Variants in IST1 observed in about 807,000 individuals in gnomAD.
IST1 encodes the protein IST1 factor associated with ESCRT-III.
Under a neutral mutation model 37.0 loss-of-function variants are expected in IST1, and 23 were observed. The ratio of observed to expected loss-of-function variants is 0.62; its 90% CI spans 0.45 to 0.88. The LOEUF is 0.88. Ranked by LOEUF, IST1 falls within the 40% of genes least tolerant of loss-of-function variation. The probability of loss-of-function intolerance (pLI) is 0.00; values close to 1 mark genes in which losing one functional copy is unlikely to be tolerated. For synonymous variants in IST1, 180 were observed against 161.7 expected, an observed-to-expected ratio of 1.11 and a Z score of -0.86; for missense variants, 488 against 445.4, an observed-to-expected ratio of 1.10 and a Z score of -0.86.
chr16:71,917,220 CCAGAT>C (rs1445969630), intron 4 of IST1, 86 bp downstream of exon 4: 1 of 786,982 alleles, frequency 1.3e-6, no homozygotes, highest in Non-Finnish European at 2.1e-6. Context: ...GCTGATTTGA[CCAGAT>C]ATTTTGTACC....
At chr16:71,921,636 G>A in intron 6 of IST1, 183 bp downstream of exon 6, 3 of 534,490 alleles carry the variant, frequency 5.6e-6, no homozygotes, top group Middle Eastern at 4.6e-4. Flanking sequence ...TTAGATGAAT[G>A]ACAACACTTT....
At chr16:71,909,785 G>T (rs1178189486) in intron 1 of IST1, among the ~76,000 whole-genome samples, 1 of 152,174 alleles carries the variant, frequency 6.6e-6, no homozygotes, top group African/African-American at 2.4e-5. Context: ...AAATGTCACT[G>T]TTTACTTGAC....
At chr16:71,896,999 C>T (rs1001289269) in intron 1 of IST1, among the ~76,000 whole-genome samples, 1 of 151,406 alleles carries the variant, frequency 6.6e-6, no homozygotes, top group Non-Finnish European at 1.5e-5. Flanking sequence ...AATTAAAACA[C>T]TTCCTCTTTT....
intron 1 of IST1, among the ~76,000 whole-genome samples, chr16:71,913,198 T>C (rs2037395630): frequency 6.6e-6 from 1 of 152,212 alleles, no homozygotes; most frequent in Non-Finnish European, 1.5e-5. Context: ...CTTTCCATAA[T>C]GGTTGTACCG....
chr16:71,921,086 A>T (rs2037569547), intron 5 of IST1: 3 of 599,710 alleles, frequency 5.0e-6, no homozygotes, highest in African/African-American at 1.8e-5. Context: ...GGTGGGGAGA[A>T]GGGTGGATGA....
intron 6 of IST1, 187 bp downstream of exon 6, chr16:71,921,640 A>G (rs2037587517): frequency 1.9e-6 from 1 of 529,224 alleles, no homozygotes; most frequent in Non-Finnish European, 3.4e-6. Context: ...ATGAATGACA[A>G]CACTTTGAGA....
At chr16:71,899,958 C>T (rs536479792) in intron 1 of IST1, among the ~76,000 whole-genome samples, 13 of 145,190 alleles carry the variant, frequency 9.0e-5, no homozygotes, top group Admixed American at 4.3e-4. Flanking sequence ...GATTGCGCCA[C>T]TGCACTCTAG....
At chr16:71,916,927 T>C (rs747557555) in intron 3 of IST1, 120 bp from the exon 4 acceptor site, 6 of 658,060 alleles carry the variant, frequency 9.1e-6, no homozygotes, top group Admixed American at 3.2e-5. Flanking sequence ...CCTAGAGTTA[T>C]TGTGAGAATC....
chr16:71,908,019 A>G (rs912072722), intron 1 of IST1, among the ~76,000 whole-genome samples: 10 of 151,972 alleles, frequency 6.6e-5, no homozygotes, highest in Non-Finnish European at 1.5e-5. Context: ...ATCTCAGTCC[A>G]CTTCACCGTC....
intron 9 of IST1, 77 bp from the exon 10 acceptor site, chr16:71,927,537 C>A: frequency 9.9e-7 from 1 of 1,013,152 alleles, no homozygotes; most frequent in Non-Finnish European, 1.5e-6. Flanking sequence ...GTGTTTTGAT[C>A]ATTTTATTTT....
intron 9 of IST1, 61 bp from the exon 10 acceptor site, chr16:71,927,553 C>A: frequency 8.5e-7 from 1 of 1,180,524 alleles, no homozygotes; most frequent in Non-Finnish European, 1.3e-6. Context: ...ATTTTTACTG[C>A]CAAAGGGGAT....
chr16:71,898,021 C>T (rs928007570), intron 1 of IST1, among the ~76,000 whole-genome samples: 3 of 152,028 alleles, frequency 2.0e-5, no homozygotes, highest in Admixed American at 1.3e-4. Context: ...TAACAAGATA[C>T]GATGAGAAGG....
At chr16:71,894,762 C>G, upstream of IST1, 1 of 1,131,924 alleles carries the variant, frequency 8.8e-7, no homozygotes, top group South Asian at 1.4e-5. Flanking sequence ...TCTGCAACTC[C>G]CGGGCTCAAG....
intron 9 of IST1, 48 bp from the exon 10 acceptor site, chr16:71,927,566 G>C (rs1010635101): frequency 3.1e-6 from 4 of 1,277,006 alleles, no homozygotes. Context: ...AAGGGGATCT[G>C]AGTCATTTCT....
In IST1 at chr16:71,922,553, G is replaced by C. The variant is rs774575941; in HGVS notation, c.632G>C (p.Arg211Thr). Residue 211 changes from arginine (R) to threonine (T), a missense_variant, in exon 7 of 10, where the codon AGA (arginine) becomes ACA (threonine). By Grantham distance (71) the Arg-to-Thr change is moderately conservative. Coordinates refer to ENST00000378799, the MANE Select transcript of IST1 (RefSeq NM_001270975.2). ...TDDVKKGGPGRGGSGGFTAPV... is the reference protein window; with the variant it reads ...TDDVKKGGPGTGGSGGFTAPV... ...GATGTGAAGAAAGGAGGCCCTGGAA[G>C]AGGAGGGAGTGGTGGCTTCACAGCA... The C allele has an allele frequency of 1.5e-5, 25 of 1,614,076 alleles. No individual in the cohort carries two copies. In the East Asian group the frequency reaches 4.0e-4, roughly 26 times the overall value.
chr16:71,896,671 T>C (rs1207492114), intron 1 of IST1, among the ~76,000 whole-genome samples: 3 of 152,146 alleles, frequency 2.0e-5, no homozygotes, highest in Non-Finnish European at 4.4e-5. Context: ...TAGGGGGACT[T>C]GGTAATAGTC....
chr16:71,899,367 CAA>C (rs2037050678), intron 1 of IST1, among the ~76,000 whole-genome samples: 1 of 148,594 alleles, frequency 6.7e-6, no homozygotes, highest in Non-Finnish European at 1.5e-5. Context: ...TTGCTGAGCC[CAA>C]GAGTTGGGAG....
intron 6 of IST1, 186 bp downstream of exon 6, chr16:71,921,639 A>G (rs1351130431): frequency 3.7e-6 from 2 of 534,158 alleles, no homozygotes; most frequent in Non-Finnish European, 6.7e-6. Context: ...GATGAATGAC[A>G]ACACTTTGAG....
At position 71,922,507 on chromosome 16, in the gene IST1, A is replaced by G; in HGVS notation, c.586A>G (p.Ile196Val). The change falls in exon 7 of 10, where the codon ATT (isoleucine) becomes GTT (valine). Residue 196 changes from isoleucine (I) to valine (V), a missense_variant. Transcript: ENST00000378799. Reference protein sequence around the residue: ...EAPPGVETDLIDVGFTDDVKK... With the variant: ...EAPPGVETDLVDVGFTDDVKK... ...TCCTCCTGGGGTAGAGACAGATCTTATTGATGTTGGATTCACAGATGATGT... is the reference window on the plus strand; with the variant it reads ...TCCTCCTGGGGTAGAGACAGATCTTGTTGATGTTGGATTCACAGATGATGT... 6.2e-7 allele frequency: 1 copy of G among 1,614,078 alleles called. No individual in the cohort carries two copies.
Sources: gnomAD v4.1 joint callset for allele counts (sites outside exome capture counted in the v4.1 genomes callset) on GRCh38, gnomAD v4.1.1 for gene constraint, MANE v1.5 for transcripts, NCBI Gene and HGNC (gene_info 2026-07-23, HGNC 2026-07-21) for gene names.